PALM2AKAP2: variants seen among roughly 807,000 people sequenced by gnomAD.
The protein encoded by PALM2AKAP2 is PALM2-AKAP2 fusion protein.
PALM2AKAP2 carries 37 observed loss-of-function variants against 71.5 expected under a neutral mutation model. The ratio of observed to expected loss-of-function variants is 0.52; its 90% CI spans 0.40 to 0.68. The LOEUF is 0.68. Among genes scored for constraint, PALM2AKAP2 ranks in the 30% least tolerant of loss-of-function variants. The pLI is 0.00. For synonymous variants in PALM2AKAP2, 468 were observed against 478.8 expected, an observed-to-expected ratio of 0.98 and a Z score of 0.29; for missense variants, 1,224 against 1,191.8, an observed-to-expected ratio of 1.03 and a Z score of -0.40.
At chr9:109,658,138 G>T (rs539718561) in intron 1 of PALM2AKAP2, among the ~76,000 whole-genome samples, 10 of 152,224 alleles carry the variant, frequency 6.6e-5, no homozygotes, top group Admixed American at 1.3e-4. Flanking sequence ...AGTTTGAAAT[G>T]CTTATTAGAC....
intron 6 of PALM2AKAP2, among the ~76,000 whole-genome samples, chr9:109,983,864 TAAAAA>T (rs75307914): frequency 7.2e-6 from 1 of 139,794 alleles, no homozygotes; most frequent in Non-Finnish European, 1.6e-5. Flanking sequence ...GACCCTGACT[TAAAAA>T]AAAAAAGAAA....
chr9:110,106,847 C>T (rs1231440157), intron 1 of PALM2AKAP2, among the ~76,000 whole-genome samples: 3 of 152,208 alleles, frequency 2.0e-5, no homozygotes, highest in African/African-American at 7.2e-5. Context: ...AAGCCCCTAT[C>T]TCCATTAGGA....
At position 110,115,028 on chromosome 9, in the gene PALM2AKAP2, C is replaced by T. The variant is rs180754860; in HGVS notation, c.157-21099C>T. 2.7e-3 allele frequency among the ~76,000 whole-genome samples: 412 copies of T among 152,256 alleles called. 4 individuals are homozygous for T. Among genetic ancestry groups the T allele is most frequent in the African/African-American group, 9.3e-3 (387 of 41,504 alleles). ...TCCCTGCTGGCTTATGCTTATCATG[C>T]ATCCCAGTGGTGAATGGAGAAATTC... On this transcript the variant is annotated intron_variant, in intron 1 of 3. Coordinates refer to ENST00000374525, the Ensembl canonical transcript of PALM2AKAP2.
intron 6 of PALM2AKAP2, among the ~76,000 whole-genome samples, chr9:110,012,544 T>C (rs1720012903): frequency 6.6e-6 from 1 of 152,070 alleles, no homozygotes; most frequent in African/African-American, 2.4e-5. Flanking sequence ...AAATAACATT[T>C]CTGTTCTTAC....
At chr9:109,763,996 A>G (rs1313431747) in intron 1 of PALM2AKAP2, among the ~76,000 whole-genome samples, 1 of 152,204 alleles carries the variant, frequency 6.6e-6, no homozygotes, top group African/African-American at 2.4e-5. Flanking sequence ...AAGTGAAGTC[A>G]CATTCACAAG....
At chr9:109,985,258 T>C (rs1233502347) in intron 6 of PALM2AKAP2, among the ~76,000 whole-genome samples, 1 of 152,174 alleles carries the variant, frequency 6.6e-6, no homozygotes, top group African/African-American at 2.4e-5. Context: ...CATATCTGTA[T>C]GATATCCCTG....
intron 7 of PALM2AKAP2, among the ~76,000 whole-genome samples, chr9:110,032,908 C>T (rs1053574878): frequency 6.6e-6 from 1 of 151,816 alleles, no homozygotes; most frequent in Non-Finnish European, 1.5e-5. Flanking sequence ...TGCACTGTAG[C>T]CTGGGTGACA....
intron 1 of PALM2AKAP2, among the ~76,000 whole-genome samples, chr9:109,656,121 T>A (rs1403735288): frequency 6.6e-6 from 1 of 152,014 alleles, no homozygotes; most frequent in African/African-American, 2.4e-5. Context: ...TGGGTTAGAG[T>A]ATCTGACGTT....
chr9:109,723,446 G>A (rs932843), intron 1 of PALM2AKAP2, among the ~76,000 whole-genome samples: 22,298 of 152,108 alleles, frequency 0.15, 2,060 homozygotes, highest in Non-Finnish European at 0.21. Context: ...AAAGATGACC[G>A]AGACCCCATT....
intron 5 of PALM2AKAP2, among the ~76,000 whole-genome samples, chr9:109,928,496 C>A (rs911158198): frequency 1.3e-5 from 2 of 152,152 alleles, no homozygotes; most frequent in African/African-American, 4.8e-5. Context: ...ATTGAGGCCA[C>A]CTGAAGAAGT....
intron 1 of PALM2AKAP2, among the ~76,000 whole-genome samples, chr9:109,709,095 T>C (rs1464490983): frequency 6.6e-6 from 1 of 152,172 alleles, no homozygotes; most frequent in Non-Finnish European, 1.5e-5. Flanking sequence ...CTTGCACTAC[T>C]CTTCTCTCAA....
chr9:109,681,050 A>G (rs1827724877), intron 1 of PALM2AKAP2, among the ~76,000 whole-genome samples: 1 of 152,256 alleles, frequency 6.6e-6, no homozygotes, highest in Admixed American at 6.5e-5. Context: ...AGTTAATTAT[A>G]TTTCAAACAA....
At chr9:110,055,308 G>A (rs1399190268) in intron 1 of PALM2AKAP2, among the ~76,000 whole-genome samples, 1 of 152,050 alleles carries the variant, frequency 6.6e-6, no homozygotes, top group African/African-American at 2.4e-5. Context: ...CCATTCTCCT[G>A]CCTCAGCCTC....
At chr9:110,028,016 G>A (rs536253200) in intron 7 of PALM2AKAP2, among the ~76,000 whole-genome samples, 13 of 152,260 alleles carry the variant, frequency 8.5e-5, no homozygotes, top group South Asian at 4.1e-4. Context: ...AAATATTTTC[G>A]AAGATTTTTT....
intron 1 of PALM2AKAP2, among the ~76,000 whole-genome samples, chr9:109,718,032 T>C (rs1828352348): frequency 6.6e-6 from 1 of 152,200 alleles, no homozygotes; most frequent in Non-Finnish European, 1.5e-5. Context: ...ATTCTGAAGA[T>C]TAGTGTTTGC....
chr9:109,833,494 C>T (rs1828368119), intron 1 of PALM2AKAP2, among the ~76,000 whole-genome samples: 2 of 152,148 alleles, frequency 1.3e-5, no homozygotes, highest in Non-Finnish European at 2.9e-5. Context: ...CTAAGAATAC[C>T]CTTCAGGGCC....
At chr9:109,767,881 T>C (rs1020653080) in intron 1 of PALM2AKAP2, among the ~76,000 whole-genome samples, 4 of 46,232 alleles carry the variant, frequency 8.7e-5, no homozygotes, top group Non-Finnish European at 1.4e-4. Flanking sequence ...CAATGCCTGG[T>C]TCAAAGCGTG....
chr9:110,136,703 A>G lies in PALM2AKAP2; in HGVS notation c.733A>G (p.Thr245Ala), dbSNP rs777418174. ...GCAGGTGCCTGTCAGCCCCAGCTCC[A>G]CAACCAGCTCACGGTGTTCTTCCCG... Residue 245 changes from threonine to alanine, a missense_variant, in exon 2 of 4, where the codon ACA becomes GCA. Transcript: ENST00000374525. The G allele has an allele frequency of 3.7e-6, 6 of 1,614,178 alleles. No individual in the cohort carries two copies. The East Asian group carries it at 1.3e-4, about 36-fold the overall frequency.
intron 1 of PALM2AKAP2, among the ~76,000 whole-genome samples, chr9:110,092,454 T>G (rs1049463437): frequency 2.0e-5 from 3 of 152,268 alleles, no homozygotes; most frequent in African/African-American, 7.2e-5. Flanking sequence ...GTGTAATGTA[T>G]TATATGCTTT....
Sources: allele counts gnomAD v4.1 joint callset (sites outside exome capture counted in the v4.1 genomes callset), GRCh38; gene constraint gnomAD v4.1.1; transcripts MANE v1.5; gene names NCBI Gene and HGNC (gene_info 2026-07-23, HGNC 2026-07-21).